The following PSMB2 variants were observed in gnomAD, a reference collection of about 807,000 sequenced individuals.
PSMB2 encodes the protein proteasome subunit beta type-2.
A neutral mutation model predicts 25.7 loss-of-function variants in PSMB2; 13 were observed. That is an observed-to-expected ratio of 0.51 (90% CI 0.33 to 0.80). PSMB2 has a LOEUF of 0.80. Ranked by LOEUF, PSMB2 falls within the 30% of genes least tolerant of loss-of-function variation. The pLI, the probability that PSMB2 is intolerant of heterozygous loss-of-function variation, is 0.02. For missense variants in PSMB2, 202 were observed against 259.0 expected, an observed-to-expected ratio of 0.78 and a Z score of 1.51; for synonymous variants, 87 against 96.2, an observed-to-expected ratio of 0.90 and a Z score of 0.56.
intron 3 of PSMB2, among the ~76,000 whole-genome samples, chr1:35,627,686 A>AGAC (rs1650906525): frequency 6.6e-6 from 1 of 152,204 alleles, no homozygotes; most frequent in African/African-American, 2.4e-5. Context: ...TACCTTATTT[A>AGAC]ATCTTCATAA....
rs778114309 is a variant in PSMB2 at position 35,601,818 on chromosome 1, T to A, written c.*1449A>T. 112 of 985,332 alleles carry A rather than the reference T, an allele frequency of 1.1e-4. No individual in the cohort carries two copies. Among genetic ancestry groups the A allele is most frequent in the Non-Finnish European group, 1.3e-4 (112 of 829,948 alleles). The allele number at this position is 985,332 out of a possible 1,614,324, so 61.0% of individuals were successfully genotyped here. On this transcript the variant is annotated 3_prime_UTR_variant, in exon 6 of 6. Transcript: ENST00000373237. ...TGAGATGAACATTCTGAAACACACA[T>A]CTGGTCAAGAACCACTGTTTTAATA... is the stretch of plus-strand genomic sequence containing the variant.
chr1:35,637,277 A>T (rs1651272627), intron 1 of PSMB2, among the ~76,000 whole-genome samples: 2 of 152,254 alleles, frequency 1.3e-5, no homozygotes, highest in South Asian at 4.1e-4. Flanking sequence ...ATCACTTTAA[A>T]AAGTAAACAA....
intron 3 of PSMB2, among the ~76,000 whole-genome samples, chr1:35,624,745 T>A (rs961639599): frequency 6.0e-5 from 9 of 151,236 alleles, no homozygotes; most frequent in African/African-American, 2.2e-4. Context: ...AGAGCAAGAC[T>A]CTGTCTCAAA....
intron 3 of PSMB2, among the ~76,000 whole-genome samples, chr1:35,622,605 A>G (rs1221208971): frequency 6.6e-6 from 1 of 152,138 alleles, no homozygotes; most frequent in East Asian, 1.9e-4. Flanking sequence ...AATTCCAGCC[A>G]TCCAATAGGC....
At chr1:35,609,164 C>G in intron 4 of PSMB2, 82 bp downstream of exon 4, 1 of 1,331,866 alleles carries the variant, frequency 7.5e-7, no homozygotes, top group Non-Finnish European at 9.8e-7. Context: ...CCTGGCCACC[C>G]AACTCCAAGA....
chr1:35,611,136 A>G (rs1046195212), intron 3 of PSMB2, among the ~76,000 whole-genome samples: 1 of 152,208 alleles, frequency 6.6e-6, no homozygotes, highest in Admixed American at 6.5e-5. Context: ...TTCAGCGGGT[A>G]GTAAGCAGGC....
chr1:35,639,603 T>A (rs1159495048), intron 1 of PSMB2, among the ~76,000 whole-genome samples: 1 of 152,212 alleles, frequency 6.6e-6, no homozygotes, highest in East Asian at 1.9e-4. Flanking sequence ...GCATCCCCTA[T>A]AATGACTAAA....
rs1274204096 is a variant in PSMB2 at position 35,602,756 on chromosome 1, A to C, written c.*511T>G. ...CGTGATCCGCCCGCCTCGGCCTCCCAAAGTGCTGGGATTACAGGTATGAGC... is the reference window on the plus strand; with the variant it reads ...CGTGATCCGCCCGCCTCGGCCTCCCCAAGTGCTGGGATTACAGGTATGAGC... On this transcript the variant is annotated 3_prime_UTR_variant, in exon 6 of 6. Coordinates refer to ENST00000373237, the MANE Select transcript of PSMB2 (RefSeq NM_002794.5). 1 of 388,566 alleles carries C rather than the reference A, an allele frequency of 2.6e-6. No homozygotes were observed. The highest frequency in any genetic ancestry group is 1.6e-4 in the East Asian group (1 of 6,178). The allele number at this position is 388,566 out of a possible 1,614,324, so 24.1% of individuals were successfully genotyped here. A position where few individuals can be genotyped will look rare whatever the true frequency, so the allele number is the denominator to read the frequency against.
At chr1:35,603,465 C>A in intron 5 of PSMB2, 91 bp from the exon 6 acceptor site, 1 of 1,442,448 alleles carries the variant, frequency 6.9e-7, no homozygotes, top group South Asian at 1.3e-5. Context: ...TACAAGCAAA[C>A]AAAAATCCCT....
rs148198005 is a variant in PSMB2, at chr1:35,638,218, A to G, written c.92-1786T>C. 5.6e-4 allele frequency among the ~76,000 whole-genome samples: 86 copies of G among 152,334 alleles called. 3 individuals carry two copies. The East Asian group carries it at 0.013, about 23-fold the overall frequency. On this transcript the variant is annotated intron_variant, in intron 1 of 5. Coordinates refer to ENST00000373237, the MANE Select transcript of PSMB2 (RefSeq NM_002794.5). ...TGTCCAATGAGTAGCAGAGGGCAAC[A>G]TATTTAATAAAAACACAAGAGATAG...
At chr1:35,625,702 C>T (rs1650836687) in intron 3 of PSMB2, among the ~76,000 whole-genome samples, 1 of 150,078 alleles carries the variant, frequency 6.7e-6, no homozygotes, top group Admixed American at 6.6e-5. Flanking sequence ...GTGGAGCTTG[C>T]AGTGAGCCGA....
intron 3 of PSMB2, among the ~76,000 whole-genome samples, chr1:35,615,598 G>T (rs115827509): frequency 1.3e-5 from 2 of 152,186 alleles, no homozygotes; most frequent in Non-Finnish European, 2.9e-5. Context: ...GACAAGCAGC[G>T]GTGTGACATC....
chr1:35,622,517 C>G (rs1650719115), intron 3 of PSMB2, among the ~76,000 whole-genome samples: 1 of 151,946 alleles, frequency 6.6e-6, no homozygotes, highest in Non-Finnish European at 1.5e-5. Context: ...AAATCTAGAC[C>G]AAGTACATAT....
intron 1 of PSMB2, among the ~76,000 whole-genome samples, chr1:35,640,556 T>C (rs1290491765): frequency 6.6e-6 from 1 of 152,100 alleles, no homozygotes; most frequent in East Asian, 1.9e-4. Context: ...ATGCCAAGCT[T>C]CTGGTCCCAC....
chr1:35,641,469 C>T lies in PSMB2; in HGVS notation c.-37G>A. 1 of 1,613,434 alleles carries T rather than the reference C, an allele frequency of 6.2e-7. No individual in the cohort carries two copies. Among genetic ancestry groups the T allele is most frequent in the Non-Finnish European group, 8.5e-7 (1 of 1,179,684 alleles). Reference sequence around the variant, plus strand: ...GCCAGGGGCTGCAGGTCCGACACAGCACGAGACTCGCCCGCTTCCAGGTCT... The same window carrying T: ...GCCAGGGGCTGCAGGTCCGACACAGTACGAGACTCGCCCGCTTCCAGGTCT... On this transcript the variant is annotated 5_prime_UTR_variant, in exon 1 of 6. Transcript: ENST00000373237.
chr1:35,603,280 T>C lies in PSMB2; in HGVS notation c.593A>G (p.Lys198Arg), dbSNP rs143081483. The change falls in exon 6 of 6, where the codon AAA becomes AGA. Residue 198 changes from lysine to arginine, a missense_variant. Physicochemically the swap from Lys to Arg is conservative, Grantham distance 26. Coordinates refer to ENST00000373237, the MANE Select transcript of PSMB2 (RefSeq NM_002794.5). The stretch of plus-strand genomic sequence containing the variant: ...GAGGACATGATGTTAGGAGCCCTGT[T>C]TGGGGAAGGAAATGTTATCCAGGTC... ...IHDLDNISFP[K>R]QGS 1.2e-6 allele frequency: 2 copies of C among 1,613,976 alleles called. No individual in the cohort carries two copies. The highest frequency in any genetic ancestry group is 1.3e-5 in the African/African-American group (1 of 74,918).
chr1:35,635,913 C>G (rs543157522), intron 2 of PSMB2, among the ~76,000 whole-genome samples: 3 of 148,776 alleles, frequency 2.0e-5, no homozygotes, highest in South Asian at 4.3e-4. Flanking sequence ...TAAAGACAAA[C>G]CAATTGTTAT....
chr1:35,640,060 A>ATATAC (rs1553126262), intron 1 of PSMB2, among the ~76,000 whole-genome samples: 22 of 147,246 alleles, frequency 1.5e-4, no homozygotes, highest in African/African-American at 5.6e-4. Flanking sequence ...AAGTACTATA[A>ATATAC]TATACTATAC....
intron 3 of PSMB2, among the ~76,000 whole-genome samples, chr1:35,622,263 ATT>A (rs910680437): frequency 1.2e-4 from 18 of 152,218 alleles, no homozygotes; most frequent in Admixed American, 1.1e-3. Context: ...ATGCCAGGAT[ATT>A]GTGTGTGTTT....
Sources: gnomAD v4.1 joint callset for allele counts (sites outside exome capture counted in the v4.1 genomes callset) on GRCh38, gnomAD v4.1.1 for gene constraint, MANE v1.5 for transcripts, NCBI Gene and HGNC (gene_info 2026-07-23, HGNC 2026-07-21) for gene names.